FOXP2: variants seen among roughly 807,000 people sequenced by gnomAD.
The protein encoded by FOXP2 is forkhead box P2.
In FOXP2, 12 loss-of-function variants were observed where a neutral mutation model predicts 115.8. The ratio of observed to expected loss-of-function variants is 0.10; its 90% confidence interval spans 0.07 to 0.17. FOXP2 has a LOEUF of 0.17. Among genes scored for constraint, FOXP2 ranks in the 10% least tolerant of loss-of-function variants. The pLI is 1.00. For missense variants in FOXP2, 629 were observed against 843.5 expected (o/e 0.75, Z 3.15); for synonymous variants, 328 against 297.7 (o/e 1.10, Z -1.05).
intron 1 of FOXP2, among the ~76,000 whole-genome samples, chr7:114,218,596 A>G (rs771146647): frequency 1.3e-5 from 2 of 152,218 alleles, no homozygotes; most frequent in Non-Finnish European, 2.9e-5. Context: ...ATTTCTAGAC[A>G]TAATAAGCAG....
At position 114,630,022 on chromosome 7, in the gene FOXP2, T is replaced by G. The variant is rs10227893; in HGVS notation, c.597+17T>G. The G allele has an allele frequency of 0.11, 173,033 of 1,604,070 alleles. 11,037 individuals are homozygous for G. The highest frequency in any genetic ancestry group is 0.26 in the African/African-American group (19,190 of 73,724). ...GCGAAAGAGGTAGGATCCGGTTATC[T>G]CATTGATACATAACAGTTTGCAGTT... On this transcript the variant is annotated intron_variant, in intron 5 of 16. Coordinates refer to ENST00000350908, the MANE Select transcript of FOXP2 (RefSeq NM_014491.4).
At chr7:114,170,160 C>A (rs1221600084) in intron 1 of FOXP2, among the ~76,000 whole-genome samples, 1 of 152,126 alleles carries the variant, frequency 6.6e-6, no homozygotes, top group Non-Finnish European at 1.5e-5. Context: ...GTTATTATAT[C>A]TATTATGGTG....
intron 2 of FOXP2, among the ~76,000 whole-genome samples, chr7:114,380,067 C>T (rs1792248594): frequency 6.6e-6 from 1 of 152,076 alleles, no homozygotes; most frequent in Non-Finnish European, 1.5e-5. Context: ...AGGGTCCTGC[C>T]TTGCGGGTCA....
intron 16 of FOXP2, chr7:114,665,492 AC>A (rs1348890186): frequency 6.6e-6 from 1 of 151,936 alleles, no homozygotes; most frequent in Non-Finnish European, 1.5e-5. Flanking sequence ...TTTTCACTTG[AC>A]CTTTCACAGG....
chr7:114,143,783 T>C (rs1792289118), intron 1 of FOXP2, among the ~76,000 whole-genome samples: 1 of 152,130 alleles, frequency 6.6e-6, no homozygotes, highest in Non-Finnish European at 1.5e-5. Flanking sequence ...GAAAACAGCA[T>C]TCATCGTGTA....
chr7:114,483,756 G>C (rs1033056657), intron 2 of FOXP2, among the ~76,000 whole-genome samples: 8 of 151,658 alleles, frequency 5.3e-5, no homozygotes, highest in African/African-American at 1.9e-4. Flanking sequence ...AACATGTGTT[G>C]TACACATAAT....
upstream of FOXP2, chr7:114,086,632 T>C: frequency 2.6e-6 from 1 of 389,176 alleles, no homozygotes; most frequent in South Asian, 1.8e-5. Context: ...TGGCCCTCAC[T>C]CTGGCGCGCT....
At chr7:114,337,118 A>C (rs1291328244) in intron 2 of FOXP2, among the ~76,000 whole-genome samples, 1 of 151,520 alleles carries the variant, frequency 6.6e-6, no homozygotes, top group East Asian at 1.9e-4. Flanking sequence ...AATGGGTTGC[A>C]CAAAGGCTGG....
At chr7:114,598,438 G>A (rs1802840027) in intron 3 of FOXP2, among the ~76,000 whole-genome samples, 1 of 152,082 alleles carries the variant, frequency 6.6e-6, no homozygotes, top group African/African-American at 2.4e-5. Flanking sequence ...TGTCATCAAT[G>A]TTCTGATAAT....
intron 1 of FOXP2, among the ~76,000 whole-genome samples, chr7:114,132,728 A>AAGG (rs1791925227): frequency 1.3e-5 from 2 of 152,084 alleles, no homozygotes; most frequent in African/African-American, 4.8e-5. Flanking sequence ...GCTAAGGCAG[A>AAGG]AGGAATGGCA....
Position 114,631,603 on chromosome 7 carries a change from C to G in FOXP2, c.673C>G (p.Gln225Glu), listed in dbSNP as rs1402486267. The G allele has an allele frequency of 6.2e-7, 1 of 1,612,076 alleles. No individual in the cohort carries two copies. The highest frequency in any genetic ancestry group is 8.5e-7 in the Non-Finnish European group (1 of 1,179,080). Residue 225 changes from glutamine to glutamate, a missense_variant, in exon 6 of 17, where the codon CAA (glutamine) becomes GAA (glutamate). By Grantham distance (29) the Gln-to-Glu change is conservative. Transcript: ENST00000350908. ...LVFQQQLLQM[Q>E]QLQQQQHLLS... ...CTTCCAGCAGCAGCTTCTCCAGATG[C>G]AACAACTCCAGCAGCAGCAGCATCT...
At chr7:114,538,278 G>A (rs1471588649) in intron 3 of FOXP2, 1 of 1,208,506 alleles carries the variant, frequency 8.3e-7, no homozygotes, top group African/African-American at 1.6e-5. Context: ...ACTTAATTTA[G>A]TTTAGATATG....
chr7:114,663,269 ATATGTAT>A (rs1806974536), intron 14 of FOXP2, among the ~76,000 whole-genome samples, 174 bp from the exon 15 acceptor site: 1 of 152,138 alleles, frequency 6.6e-6, no homozygotes, highest in African/African-American at 2.4e-5. Context: ...GATCAAGTTA[ATATGTAT>A]TATGTAAAGG....
intron 7 of FOXP2, among the ~76,000 whole-genome samples, chr7:114,644,064 A>C (rs1257166901): frequency 1.3e-5 from 2 of 152,252 alleles, no homozygotes; most frequent in Non-Finnish European, 2.9e-5. Context: ...CTGTTGTTTT[A>C]ATTGAGATTA....
At chr7:114,508,673 C>T (rs1797935515) in intron 2 of FOXP2, among the ~76,000 whole-genome samples, 1 of 151,922 alleles carries the variant, frequency 6.6e-6, no homozygotes, top group East Asian at 1.9e-4. Context: ...AGATTTTTAG[C>T]AGAGAATGAT....
intron 2 of FOXP2, among the ~76,000 whole-genome samples, chr7:114,291,394 T>C (rs1796585889): frequency 6.6e-6 from 1 of 152,080 alleles, no homozygotes; most frequent in Admixed American, 6.6e-5. Context: ...AACATAGGAA[T>C]TTGGGGACAA....
intron 16 of FOXP2, among the ~76,000 whole-genome samples, chr7:114,678,414 T>C (rs1312949465): frequency 1.3e-5 from 2 of 152,146 alleles, no homozygotes; most frequent in Non-Finnish European, 2.9e-5. Flanking sequence ...AAGCTGCTGA[T>C]ATGTAGGGAC....
upstream of FOXP2, chr7:114,087,618 C>T (rs1799448148): frequency 6.8e-6 from 1 of 147,366 alleles, no homozygotes; most frequent in Non-Finnish European, 1.5e-5. Flanking sequence ...CGGCGGCGCA[C>T]GTGCGGCGGC....
chr7:114,590,733 G>A (rs1444844311), intron 3 of FOXP2, among the ~76,000 whole-genome samples: 2 of 152,066 alleles, frequency 1.3e-5, no homozygotes, highest in African/African-American at 2.4e-5. Flanking sequence ...GTTGGGCAGC[G>A]GGGAAGATGA....
Sources: allele counts gnomAD v4.1 joint callset (sites outside exome capture counted in the v4.1 genomes callset), GRCh38; gene constraint gnomAD v4.1.1; transcripts MANE v1.5; gene names NCBI Gene and HGNC (gene_info 2026-07-23, HGNC 2026-07-21).